The following DACH2 variants were observed in gnomAD, a reference collection of about 807,000 sequenced individuals.
DACH2 encodes the protein dachshund family transcription factor 2, also known as dachshund homolog 2.
In DACH2, 17 loss-of-function variants were observed where a neutral mutation model predicts 35.8. The observed-to-expected ratio is 0.48, with a 90% CI of 0.33 to 0.71. The LOEUF is 0.71. Among genes scored for constraint, DACH2 ranks in the 30% least tolerant of loss-of-function variants. DACH2 has a pLI of 0.02. For missense variants in DACH2, 469 were observed against 472.7 expected (o/e 0.99, Z 0.07); for synonymous variants, 195 against 177.3 (o/e 1.10, Z -0.79).
intron 1 of DACH2, among the ~76,000 whole-genome samples, chrX:86,320,276 C>A (rs1014680985): frequency 8.9e-6 from 1 of 112,152 alleles, no homozygotes; most frequent in African/African-American, 3.2e-5. Context: ...TTAAAATATA[C>A]CCATAGCTTG....
intron 3 of DACH2, among the ~76,000 whole-genome samples, chrX:86,610,421 T>C (rs199976240): frequency 1.4e-3 from 88 of 62,864 alleles, no homozygotes; most frequent in African/African-American, 5.1e-3. Flanking sequence ...TTCTTTCTTT[T>C]CTTTCTTTCT....
At chrX:86,275,339 A>T (rs1211714786) in intron 1 of DACH2, among the ~76,000 whole-genome samples, 1 of 111,990 alleles carries the variant, frequency 8.9e-6, no homozygotes, top group African/African-American at 3.2e-5. Flanking sequence ...TTACATTTTA[A>T]TTATTGTTTG....
intron 2 of DACH2, among the ~76,000 whole-genome samples, chrX:86,404,440 C>T (rs1228892565): frequency 8.9e-6 from 1 of 112,021 alleles, no homozygotes. Context: ...AGGCCCCATG[C>T]AAGTCCAAAA....
intron 1 of DACH2, among the ~76,000 whole-genome samples, chrX:86,251,498 C>T (rs2033400095): frequency 9.0e-6 from 1 of 110,934 alleles, no homozygotes; most frequent in Non-Finnish European, 1.9e-5. Flanking sequence ...CTCTCTCACC[C>T]TTTCCCCCGA....
chrX:86,160,256 G>A, intron 1 of DACH2: 1 of 1,197,617 alleles, frequency 8.3e-7, no homozygotes, highest in Non-Finnish European at 1.1e-6. Flanking sequence ...AGCTTTCTGG[G>A]CAGACTTGGT....
rs192402553 is a variant in DACH2, at chrX:86,309,871, G to T, written c.489-66953G>T. ...GACCCCCAAAGGCTGCCAGTTTTGG[G>T]TGGGGTCCAGAACAGAAGAAGGCTC... On this transcript the variant is annotated intron_variant, in intron 1 of 11. Transcript: ENST00000373125. 1.3e-3 allele frequency among the ~76,000 whole-genome samples: 150 copies of T among 112,111 alleles called. 1 individual carries two copies. In the Middle Eastern group the frequency reaches 0.023, roughly 17 times the overall value.
intron 1 of DACH2, among the ~76,000 whole-genome samples, chrX:86,215,261 G>C (rs1303915699): frequency 9.0e-6 from 1 of 111,581 alleles, no homozygotes; most frequent in East Asian, 2.8e-4. Flanking sequence ...TTTTGACCAT[G>C]TAAGAATTCT....
In DACH2 at chrX:86,667,358, A is replaced by AAGG. The variant is rs1569463455; in HGVS notation, c.772+16191_772+16192insAGG. ...GGAAGGAAGGAAGGAAGGAAGGAAG[A>AAGG]GGAAGGGAAGGGAGGGAGGAAGGAA... On this transcript the variant is annotated intron_variant, in intron 4 of 11. Transcript: ENST00000373125. Among the ~76,000 whole-genome samples, 18 of 53,233 alleles carry AAGG rather than the reference A, an allele frequency of 3.4e-4. No individual in the cohort carries two copies. In the East Asian group the frequency reaches 5.0e-3, roughly 15 times the overall value. The allele number at this position is 53,233 out of a possible 115,157, so 46.2% of individuals were successfully genotyped here.
intron 1 of DACH2, among the ~76,000 whole-genome samples, chrX:86,258,553 C>T (rs747453461): frequency 1.7e-4 from 19 of 111,245 alleles, no homozygotes; most frequent in African/African-American, 4.9e-4. Context: ...CATACCATTT[C>T]CTATAGTGAA....
intron 2 of DACH2, among the ~76,000 whole-genome samples, chrX:86,501,834 C>T (rs1350534680): frequency 9.0e-6 from 1 of 111,076 alleles, no homozygotes; most frequent in Non-Finnish European, 1.9e-5. Flanking sequence ...AATTGGTAAC[C>T]CTGCCACCTG....
chrX:86,775,969 C>A (rs992738410), intron 7 of DACH2, among the ~76,000 whole-genome samples: 1 of 111,089 alleles, frequency 9.0e-6, no homozygotes, highest in African/African-American at 3.3e-5. Context: ...AGGAATTTGC[C>A]CAAGGTCACT....
intron 2 of DACH2, among the ~76,000 whole-genome samples, chrX:86,474,745 TG>T (rs1277117876): frequency 1.6e-4 from 18 of 111,947 alleles, no homozygotes; most frequent in African/African-American, 5.9e-4. Flanking sequence ...GTTTTGTTTT[TG>T]TTTTGAGATG....
Position 86,400,897 on chromosome X carries a change from C to T in DACH2, c.527+24035C>T, listed in dbSNP as rs188179736. On this transcript the variant is annotated intron_variant, in intron 2 of 11. Transcript: ENST00000373125. ...TGTGTGCTGGCAGAAGCACTACTCT[C>T]TTCAAAGCTGTCAGACAGGGACATT... Among the ~76,000 whole-genome samples the T allele has an allele frequency of 2.0e-3, 228 of 112,378 alleles. 1 individual carries two copies. The highest frequency in any genetic ancestry group is 0.014 in the Middle Eastern group (3 of 217).
At chrX:86,774,756 G>C (rs905293237) in intron 7 of DACH2, among the ~76,000 whole-genome samples, 7 of 111,920 alleles carry the variant, frequency 6.3e-5, no homozygotes, top group Non-Finnish European at 3.8e-5. Flanking sequence ...ATTGAGAAAA[G>C]CAATTATATT....
At chrX:86,766,245 G>A (rs746139641) in intron 7 of DACH2, among the ~76,000 whole-genome samples, 9 of 111,462 alleles carry the variant, frequency 8.1e-5, no homozygotes, top group Middle Eastern at 4.7e-3. Flanking sequence ...TTAAAAGTTC[G>A]TAAATCGTTC....
At chrX:86,399,602 C>A (rs1055847067) in intron 2 of DACH2, among the ~76,000 whole-genome samples, 21 of 111,340 alleles carry the variant, frequency 1.9e-4, no homozygotes, top group African/African-American at 6.6e-4. Flanking sequence ...TCAGCATTTG[C>A]TTGTCTGTAA....
At chrX:86,266,237 A>G (rs931408794) in intron 1 of DACH2, among the ~76,000 whole-genome samples, 6 of 111,493 alleles carry the variant, frequency 5.4e-5, no homozygotes, top group South Asian at 3.8e-4. Context: ...ACAAGTTCCC[A>G]GGTGATGTCC....
chrX:86,179,791 T>G (rs944366275), intron 1 of DACH2, among the ~76,000 whole-genome samples: 8 of 111,184 alleles, frequency 7.2e-5, no homozygotes, highest in Admixed American at 1.9e-4. Context: ...GCACCTTGAT[T>G]GTGAACATAC....
At chrX:86,151,214 A>G (rs968830694) in intron 1 of DACH2, among the ~76,000 whole-genome samples, 2 of 110,199 alleles carry the variant, frequency 1.8e-5, no homozygotes, top group African/African-American at 6.6e-5. Context: ...TTAGGTTATT[A>G]TTTTATCTAA....
Sources: gnomAD v4.1 joint callset for allele counts (sites outside exome capture counted in the v4.1 genomes callset) on GRCh38, gnomAD v4.1.1 for gene constraint, MANE v1.5 for transcripts, NCBI Gene and HGNC (gene_info 2026-07-23, HGNC 2026-07-21) for gene names.